FGD4: variants seen among roughly 807,000 people sequenced by gnomAD.
FGD4 encodes FYVE, RhoGEF and PH domain-containing protein 4.
A neutral mutation model predicts 102.0 loss-of-function variants in FGD4; 42 were observed. The ratio of observed to expected loss-of-function variants is 0.41; its 90% confidence interval spans 0.32 to 0.53. The LOEUF (loss-of-function observed/expected upper bound fraction) is 0.53, where lower values mean the gene tolerates loss of function less well. Among genes scored for constraint, FGD4 ranks in the 20% least tolerant of loss-of-function variants. The pLI, the probability that FGD4 is intolerant of heterozygous loss-of-function variation, is 0.21. For synonymous variants in FGD4, 380 were observed against 375.7 expected (o/e 1.01, Z -0.13); for missense variants, 902 against 1,078.2 (o/e 0.84, Z 2.29).
intron 14 of FGD4, 47 bp downstream of exon 14, chr12:32,625,826 T>G: frequency 6.2e-7 from 1 of 1,611,410 alleles, no homozygotes; most frequent in Non-Finnish European, 8.5e-7. Context: ...ACTATATAAG[T>G]GATGTAAAGT....
intron 1 of FGD4, among the ~76,000 whole-genome samples, chr12:32,463,973 A>G (rs990923069): frequency 1.3e-5 from 2 of 152,220 alleles, no homozygotes; most frequent in Non-Finnish European, 2.9e-5. Flanking sequence ...GTAAAATTCT[A>G]AATTTAGAAG....
chr12:32,491,353 G>A (rs1038586297), intron 1 of FGD4, among the ~76,000 whole-genome samples: 2 of 152,074 alleles, frequency 1.3e-5, no homozygotes, highest in African/African-American at 4.8e-5. Context: ...CCCAGCCCAG[G>A]AACCACACTT....
chr12:32,494,279 T>C (rs975923030), intron 1 of FGD4, among the ~76,000 whole-genome samples: 8 of 152,172 alleles, frequency 5.3e-5, no homozygotes, highest in Non-Finnish European at 1.2e-4. Flanking sequence ...TCTTGAACTC[T>C]GGTCTTGCAT....
intron 1 of FGD4, among the ~76,000 whole-genome samples, chr12:32,456,036 T>TA (rs1942939941): frequency 1.3e-5 from 2 of 152,188 alleles, no homozygotes; most frequent in African/African-American, 4.8e-5. Flanking sequence ...TCTCAGCTGT[T>TA]GTGTAAAACC....
intron 1 of FGD4, among the ~76,000 whole-genome samples, chr12:32,403,248 T>TA (rs1940765686): frequency 6.6e-6 from 1 of 152,158 alleles, no homozygotes; most frequent in Non-Finnish European, 1.5e-5. Flanking sequence ...GCAAAAATAA[T>TA]AAAGTGTACC....
intron 1 of FGD4, among the ~76,000 whole-genome samples, chr12:32,480,155 G>GTTT (rs369473990): frequency 1.7e-4 from 26 of 148,602 alleles, no homozygotes; most frequent in Admixed American, 6.7e-4. Context: ...TGTTTGTGGG[G>GTTT]GTTTTTTTTG....
intron 11 of FGD4, 75 bp downstream of exon 11, chr12:32,619,945 G>GGCTCACGCCTGTA: frequency 6.4e-7 from 1 of 1,557,036 alleles, no homozygotes; most frequent in Non-Finnish European, 8.8e-7. Flanking sequence ...GAATGGCTCT[G>GGCTCACGCCTGTA]AGGGTTTTTC....
chr12:32,582,617 C>T, intron 4 of FGD4, 150 bp downstream of exon 4: 1 of 958,376 alleles, frequency 1.0e-6, no homozygotes, highest in East Asian at 2.6e-5. Flanking sequence ...TGCTGATTAG[C>T]ATTTCCCCTA....
chr12:32,552,772 C>A (rs1463738955), intron 1 of FGD4, among the ~76,000 whole-genome samples: 1 of 142,080 alleles, frequency 7.0e-6, no homozygotes, highest in Non-Finnish European at 1.5e-5. Flanking sequence ...CAAGAGTCAT[C>A]ATGGAGTGTA....
intron 3 of FGD4, among the ~76,000 whole-genome samples, chr12:32,579,050 T>G (rs912732360): frequency 7.1e-6 from 1 of 140,500 alleles, no homozygotes; most frequent in South Asian, 2.3e-4. Flanking sequence ...TTTTTTTTTT[T>G]TTTTTTTTTT....
At chr12:32,568,465 A>G (rs1001446840) in intron 2 of FGD4, among the ~76,000 whole-genome samples, 1 of 152,208 alleles carries the variant, frequency 6.6e-6, no homozygotes, top group African/African-American at 2.4e-5. Flanking sequence ...ACCGCTTTTA[A>G]TACTGGCCTG....
chr12:32,525,864 A>C (rs977581930), intron 1 of FGD4, among the ~76,000 whole-genome samples: 1 of 152,190 alleles, frequency 6.6e-6, no homozygotes, highest in African/African-American at 2.4e-5. Context: ...CTGCTGGCCC[A>C]CCGGTGCTGC....
chr12:32,457,366 T>C (rs1234984811), intron 1 of FGD4, among the ~76,000 whole-genome samples: 1 of 152,220 alleles, frequency 6.6e-6, no homozygotes, highest in African/African-American at 2.4e-5. Flanking sequence ...GAAATAATAA[T>C]GCCTAAAGAT....
intron 1 of FGD4, among the ~76,000 whole-genome samples, chr12:32,427,398 G>A (rs548086172): frequency 1.3e-5 from 2 of 152,260 alleles, no homozygotes; most frequent in African/African-American, 4.8e-5. Flanking sequence ...TTAATCCTGA[G>A]TTCTAATTTG....
intron 1 of FGD4, among the ~76,000 whole-genome samples, chr12:32,410,006 C>CA (rs35504493): frequency 0.012 from 1,331 of 108,848 alleles, 18 homozygotes; most frequent in African/African-American, 0.036. Flanking sequence ...TCTTGTCTCT[C>CA]AAAAAAAAAA....
In FGD4 at chr12:32,506,804, TGGGAAGA is replaced by T. The variant is rs1337831157; in HGVS notation, c.167-57331_167-57325del. 1.4e-4 allele frequency among the ~76,000 whole-genome samples: 21 copies of T among 152,246 alleles called. No individual in the cohort carries two copies. The highest frequency in any genetic ancestry group is 5.1e-4 in the African/African-American group (21 of 41,532). On this transcript the variant is annotated intron_variant, in intron 1 of 16. Coordinates refer to ENST00000534526, the MANE Select transcript of FGD4 (RefSeq NM_001370298.3). This position sits in a 1 kb window ranked among gnomAD's most constrained non-coding sequence, Gnocchi z 4.5. The stretch of plus-strand genomic sequence containing the variant: ...GATGTTAGTGAAATTTACCTAGTAG[TGGGAAGA>T]GACAGAATACAAAAGTAAAGAGATA...
rs181811154 is a variant in FGD4, at chr12:32,418,131, T to C, written c.166+18172T>C. Among the ~76,000 whole-genome samples, 723 of 152,114 alleles carry C rather than the reference T, an allele frequency of 4.8e-3. 5 individuals are homozygous for C. The highest frequency in any genetic ancestry group is 0.013 in the African/African-American group (536 of 41,514). ...GCCACCACGCCCGGCTAATTTTTTGTATTTTTAGTAGAGACGGGGTTTCGC... is the reference window on the plus strand; with the variant it reads ...GCCACCACGCCCGGCTAATTTTTTGCATTTTTAGTAGAGACGGGGTTTCGC... On this transcript the variant is annotated intron_variant, in intron 1 of 16. Coordinates refer to ENST00000534526, the MANE Select transcript of FGD4 (RefSeq NM_001370298.3).
intron 1 of FGD4, among the ~76,000 whole-genome samples, chr12:32,531,402 A>G (rs546004462): frequency 8.5e-5 from 13 of 152,298 alleles, no homozygotes; most frequent in African/African-American, 3.1e-4. Context: ...CCACCACCAC[A>G]ATGAAGATAC....
At chr12:32,579,050 T>TTTTG in intron 3 of FGD4, among the ~76,000 whole-genome samples, 1 of 140,500 alleles carries the variant, frequency 7.1e-6, no homozygotes, top group Non-Finnish European at 1.5e-5. Flanking sequence ...TTTTTTTTTT[T>TTTTG]TTTTTTTTTT....
Sources: gnomAD v4.1 joint callset for allele counts (sites outside exome capture counted in the v4.1 genomes callset) on GRCh38, gnomAD v4.1.1 for gene constraint, Gnocchi (gnomAD v3.1) non-coding constraint, MANE v1.5 for transcripts, NCBI Gene and HGNC (gene_info 2026-07-23, HGNC 2026-07-21) for gene names.